Variants in CD33 observed in about 807,000 individuals in gnomAD.
CD33 encodes CD33 molecule, also known as myeloid cell surface antigen CD33.
A neutral mutation model predicts 31.4 loss-of-function variants in CD33; 25 were observed. That is an observed-to-expected ratio of 0.80 (90% CI 0.58 to 1.11). CD33 has a LOEUF of 1.11. CD33 is among the 50% of genes most tolerant of loss of function. The pLI is 0.00. For synonymous variants in CD33, 176 were observed against 180.6 expected (o/e 0.97, Z 0.20); for missense variants, 407 against 448.1 (o/e 0.91, Z 0.83).
In CD33 at chr19:51,225,382, T is replaced by C. The variant is rs776421340; in HGVS notation, c.202T>C (p.Ser68Pro). The stretch of plus-strand genomic sequence containing the variant: ...CTGGTTCCGGGAAGGAGCCATTATA[T>C]CCAGGGACTCTCCAGTGGCCACAAA... ...GYWFREGAII[S>P]RDSPVATNKL... is the part of the protein sequence containing the mutation. The change falls in exon 2 of 7, where the codon TCC (serine) becomes CCC (proline). Residue 68 changes from serine to proline, a missense_variant. Physicochemically the swap from Ser to Pro is moderately conservative, Grantham distance 74. Coordinates refer to ENST00000262262, the MANE Select transcript of CD33 (RefSeq NM_001772.4). 3.7e-6 allele frequency: 6 copies of C among 1,614,138 alleles called. No individual in the cohort carries two copies. The highest frequency in any genetic ancestry group is 5.1e-6 in the Non-Finnish European group (6 of 1,180,022).
At chr19:51,223,687 T>C (rs987159306), upstream of CD33, among the ~76,000 whole-genome samples, 1 of 152,222 alleles carries the variant, frequency 6.6e-6, no homozygotes, top group Admixed American at 6.5e-5. Context: ...AAAAGAAGTT[T>C]TTTCTGCACT....
In CD33 at chr19:51,226,141, G is replaced by A. The variant is rs1008752007; in HGVS notation, c.697+60G>A. ...GGTGTAGGGGAGACAGGATGGGCTGGTGCTGGGGACATTTAGTGTCCTGGA... is the reference window on the plus strand; with the variant it reads ...GGTGTAGGGGAGACAGGATGGGCTGATGCTGGGGACATTTAGTGTCCTGGA... On this transcript the variant is annotated intron_variant, in intron 3 of 6. Transcript: ENST00000262262. The A allele has an allele frequency of 1.9e-6, 3 of 1,585,718 alleles. No homozygotes were observed. The African/African-American group carries it at 4.0e-5, about 21-fold the overall frequency.
upstream of CD33, among the ~76,000 whole-genome samples, chr19:51,224,898 C>T (rs1021838184): frequency 6.6e-6 from 1 of 152,208 alleles, no homozygotes; most frequent in Non-Finnish European, 1.5e-5. Context: ...TGCTCCATCT[C>T]CTCCCATCTC....
At chr19:51,228,571 T>G (rs1981191544) in intron 4 of CD33, among the ~76,000 whole-genome samples, 1 of 152,274 alleles carries the variant, frequency 6.6e-6, no homozygotes, top group Admixed American at 6.5e-5. Flanking sequence ...TCATTGTGTG[T>G]AGAAATGCTA....
chr19:51,217,424 T>C, the CD33 span, among the ~76,000 whole-genome samples: 4,810 of 152,032 alleles, frequency 0.032, 253 homozygotes, highest in African/African-American at 0.11. Context: ...GTTTTTTTTT[T>C]TTCTTGAGAC....
chr19:51,230,448 G>C (rs1272125609), intron 4 of CD33, among the ~76,000 whole-genome samples: 1 of 152,200 alleles, frequency 6.6e-6, no homozygotes, highest in South Asian at 2.1e-4. Context: ...TCAATGCTGA[G>C]AGTGGGGCGT....
At chr19:51,211,267 G>A in the CD33 span, 10 of 1,575,738 alleles carry the variant, frequency 6.3e-6, no homozygotes, top group Non-Finnish European at 8.6e-6. Flanking sequence ...GACGGTACAG[G>A]AGGGTTTGTG....
At chr19:51,228,333 T>G (rs1015917671) in intron 4 of CD33, among the ~76,000 whole-genome samples, 1 of 152,204 alleles carries the variant, frequency 6.6e-6, no homozygotes, top group Non-Finnish European at 1.5e-5. Context: ...CAGGTTTGAA[T>G]CTGTAGATTT....
At chr19:51,224,231 G>A (rs1298219075), upstream of CD33, among the ~76,000 whole-genome samples, 1 of 152,162 alleles carries the variant, frequency 6.6e-6, no homozygotes, top group African/African-American at 2.4e-5. Flanking sequence ...AGAGGTGTGT[G>A]TCTGTACCCA....
chr19:51,239,608 C>T lies in CD33; in HGVS notation c.1015C>T (p.His339Tyr). ...TACTGTGGAGATGGATGAGGAGCTG[C>T]ATTATGCTTCCCTCAACTTTCATGG... ...APTVEMDEELHYASLNFHGMN... is the reference protein window; with the variant it reads ...APTVEMDEELYYASLNFHGMN... Residue 339 changes from histidine (H) to tyrosine (Y), a missense_variant, in exon 7 of 7, where the codon CAT (histidine) becomes TAT (tyrosine). His to Tyr is a moderately conservative substitution (Grantham distance 83, BLOSUM62 2). Transcript: ENST00000262262. The T allele has an allele frequency of 6.2e-7, 1 of 1,613,866 alleles. No homozygotes were observed.
upstream of CD33, among the ~76,000 whole-genome samples, chr19:51,221,772 T>G (rs1023483653): frequency 2.0e-5 from 3 of 152,148 alleles, no homozygotes; most frequent in Non-Finnish European, 4.4e-5. Flanking sequence ...AAATGGTAAA[T>G]GCATACAAAA....
At chr19:51,211,892 GC>G in the CD33 span, 49 of 1,439,884 alleles carry the variant, frequency 3.4e-5, no homozygotes, top group Non-Finnish European at 4.5e-5. Context: ...AGCAGGGGAC[GC>G]CCCCCATCTT....
chr19:51,230,584 T>C (rs942546047), intron 4 of CD33, among the ~76,000 whole-genome samples: 5 of 152,248 alleles, frequency 3.3e-5, no homozygotes, highest in African/African-American at 4.8e-5. Flanking sequence ...ATTATAGTGC[T>C]GAACTGACCC....
chr19:51,238,709 G>A (rs1461496595), intron 6 of CD33: 3 of 152,254 alleles, frequency 2.0e-5, no homozygotes. Context: ...CTTGACTAGA[G>A]AGAGTTCAAG....
the CD33 span, chr19:51,212,114 G>A: frequency 1.7e-6 from 1 of 601,316 alleles, no homozygotes; most frequent in Non-Finnish European, 3.0e-6. Flanking sequence ...GGGTGTGATG[G>A]GGGGAGGACC....
intron 6 of CD33, chr19:51,239,254 G>T: frequency 3.4e-6 from 1 of 296,952 alleles, no homozygotes; most frequent in Non-Finnish European, 6.2e-6. Flanking sequence ...AATAATAGAT[G>T]CCAAAGATGA....
At chr19:51,230,037 T>C (rs1194850955) in intron 4 of CD33, among the ~76,000 whole-genome samples, 1 of 152,146 alleles carries the variant, frequency 6.6e-6, no homozygotes, top group Admixed American at 6.5e-5. Flanking sequence ...CTGTTTTTGC[T>C]GTGTCCCATA....
intron 4 of CD33, among the ~76,000 whole-genome samples, chr19:51,230,332 T>C (rs1258438756): frequency 6.6e-6 from 1 of 152,136 alleles, no homozygotes; most frequent in African/African-American, 2.4e-5. Context: ...ACCATGTGTA[T>C]TCTGCAGCTG....
upstream of CD33, among the ~76,000 whole-genome samples, chr19:51,221,099 G>A (rs1195925011): frequency 6.6e-6 from 1 of 152,116 alleles, no homozygotes; most frequent in Non-Finnish European, 1.5e-5. Context: ...CTTAAAAATG[G>A]ACAGAGGGTG....
Sources: gnomAD v4.1 joint callset for allele counts (sites outside exome capture counted in the v4.1 genomes callset) on GRCh38, gnomAD v4.1.1 for gene constraint, MANE v1.5 for transcripts, NCBI Gene and HGNC (gene_info 2026-07-23, HGNC 2026-07-21) for gene names.